DUSP15: variants seen among roughly 807,000 people sequenced by gnomAD.
DUSP15 encodes dual specificity phosphatase 15, also known as dual specificity protein phosphatase 15.
A neutral mutation model predicts 26.3 loss-of-function variants in DUSP15; 23 were observed. That is an observed-to-expected ratio of 0.87 (90% CI 0.63 to 1.24). The LOEUF (loss-of-function observed/expected upper bound fraction) is 1.24. DUSP15 is among the 50% of genes most tolerant of loss of function. DUSP15 has a pLI of 0.00. For missense variants in DUSP15, 364 were observed against 320.6 expected (o/e 1.14, Z -1.03); for synonymous variants, 143 against 135.5 (o/e 1.06, Z -0.39).
chr20:31,861,184 A>G lies in DUSP15; in HGVS notation c.*219T>C. The G allele has an allele frequency of 2.2e-6, 3 of 1,342,768 alleles. No homozygotes were observed. Among genetic ancestry groups the G allele is most frequent in the Middle Eastern group, 2.7e-4 (1 of 3,652 alleles). 83.2% of individuals were successfully genotyped at this position (1,342,768 alleles called of 1,614,324 possible). A position where few individuals can be genotyped will look rare whatever the true frequency, so the allele number is the denominator to read the frequency against. On this transcript the variant is annotated 3_prime_UTR_variant, in exon 7 of 7. Transcript: ENST00000339738. ...GGCCCCCTCCCCCAGCCCAAGGACT[A>G]AGGCACCAGGTGGCTGCAGCAGGCC...
At chr20:31,850,792 T>C in intron 6 of DUSP15, 1 of 1,094,284 alleles carries the variant, frequency 9.1e-7, no homozygotes, top group Non-Finnish European at 1.4e-6. Flanking sequence ...CTTACTGTGG[T>C]CAACCAAAGG....
chr20:31,865,027 CA>C, intron 3 of DUSP15, 25 bp from the exon 4 acceptor site: 1 of 1,613,994 alleles, frequency 6.2e-7, no homozygotes, highest in Non-Finnish European at 8.5e-7. Flanking sequence ...TACACTCAGG[CA>C]GGGGACCTTG....
chr20:31,861,530 T>A lies in DUSP15; in HGVS notation c.581A>T (p.Glu194Val). ...CGGCACCAGGCGCTGCACGGTTCCC[T>A]CGGAGGCTGCTGAGTGCGGCCCGGC... Reference protein sequence around the residue: ...SSAGPHSAASEGTVQRLVPRT... With the variant: ...SSAGPHSAASVGTVQRLVPRT... Residue 194 changes from glutamate (E) to valine (V), a missense_variant, in exon 7 of 7, where the codon GAG (glutamate) becomes GTG (valine). Coordinates refer to ENST00000339738, the MANE Select transcript of DUSP15 (RefSeq NM_080611.5). 1 of 1,516,314 alleles carries A rather than the reference T, an allele frequency of 6.6e-7. No homozygotes were observed. The highest frequency in any genetic ancestry group is 8.8e-7 in the Non-Finnish European group (1 of 1,140,266). 93.9% of individuals were successfully genotyped at this position (1,516,314 alleles called of 1,614,324 possible).
At chr20:31,860,799 A>C (rs993485489), downstream of DUSP15, among the ~76,000 whole-genome samples, 8 of 152,052 alleles carry the variant, frequency 5.3e-5, no homozygotes, top group African/African-American at 1.9e-4. Context: ...CAAAAGGTGG[A>C]AGGGGGTTCC....
chr20:31,861,086 G>A lies in DUSP15; in HGVS notation c.*317C>T. On this transcript the variant is annotated 3_prime_UTR_variant, in exon 7 of 7. Transcript: ENST00000339738. Reference sequence around the variant, plus strand: ...CACTCGGACAGGCAGCTTCTTCTGTGTCTCTTTAATACCCTCCAGGCCCGT... The same window carrying A: ...CACTCGGACAGGCAGCTTCTTCTGTATCTCTTTAATACCCTCCAGGCCCGT... The A allele has an allele frequency of 1.7e-6, 2 of 1,182,012 alleles. No individual in the cohort carries two copies. The highest frequency in any genetic ancestry group is 2.1e-6 in the Non-Finnish European group (2 of 956,218). 73.2% of individuals were successfully genotyped at this position (1,182,012 alleles called of 1,614,324 possible).
chr20:31,849,228 C>T (rs370423963), intron 8 of DUSP15, among the ~76,000 whole-genome samples: 3 of 152,196 alleles, frequency 2.0e-5, no homozygotes, highest in Admixed American at 6.5e-5. Flanking sequence ...CCTAAGCCAA[C>T]ACATGTACCG....
At position 31,848,414 on chromosome 20, in the gene DUSP15, C is replaced by T. The variant is rs763300282; in HGVS notation, c.878G>A (p.Cys293Tyr). Reference sequence around the variant, plus strand: ...TGTTGGGGGCTGCCTTCAGCGGGTACAAGAAGAGGAAGCGGCTCGCTTAGG... The same window carrying T: ...TGTTGGGGGCTGCCTTCAGCGGGTATAAGAAGAGGAAGCGGCTCGCTTAGG... The change falls in exon 10 of 10, where the codon TGT becomes TAT. Residue 293 changes from cysteine to tyrosine, a missense_variant. By Grantham distance (194) the Cys-to-Tyr change is radical (BLOSUM62 -2). Coordinates refer to the DUSP15 transcript ENST00000278979. 9.9e-6 allele frequency: 16 copies of T among 1,611,350 alleles called. No individual in the cohort carries two copies. In the Admixed American group the frequency reaches 1.5e-4, roughly 15 times the overall value.
chr20:31,864,208 A>G, intron 4 of DUSP15: 1 of 1,322,952 alleles, frequency 7.6e-7, no homozygotes. Flanking sequence ...GTCAGGACAA[A>G]TCTCACCATC....
intron 3 of DUSP15, among the ~76,000 whole-genome samples, chr20:31,865,382 A>G (rs1027487896): frequency 1.3e-5 from 2 of 152,234 alleles, no homozygotes; most frequent in Non-Finnish European, 2.9e-5. Flanking sequence ...TTATCTTGAA[A>G]AGAAACAAAA....
At chr20:31,854,898 C>A (rs974496898) in intron 6 of DUSP15, among the ~76,000 whole-genome samples, 2 of 152,196 alleles carry the variant, frequency 1.3e-5, no homozygotes, top group Non-Finnish European at 2.9e-5. Flanking sequence ...TCTGGTCATA[C>A]CATTTTCATC....
At chr20:31,851,336 TG>T (rs956290532) in intron 6 of DUSP15, among the ~76,000 whole-genome samples, 9 of 150,932 alleles carry the variant, frequency 6.0e-5, no homozygotes, top group Middle Eastern at 6.9e-3. Flanking sequence ...GGAAAGGTGA[TG>T]GGGTGGAGAT....
chr20:31,848,912 G>T, intron 8 of DUSP15: 4 of 1,608,836 alleles, frequency 2.5e-6, no homozygotes, highest in Non-Finnish European at 3.4e-6. Context: ...TCCTGCAGGT[G>T]GGCACACAAT....
chr20:31,848,554 C>T (rs754484409), exon 10 of DUSP15: 6 of 1,571,006 alleles, frequency 3.8e-6, no homozygotes, highest in Admixed American at 3.9e-5. Context: ...CAGGCCGAAG[C>T]TGCACCTGCA....
At chr20:31,869,188 G>A (rs921622122) in intron 2 of DUSP15, among the ~76,000 whole-genome samples, 1 of 152,228 alleles carries the variant, frequency 6.6e-6, no homozygotes, top group Non-Finnish European at 1.5e-5. Context: ...AGAGTGCTCA[G>A]CAGCTGGTGG....
intron 6 of DUSP15, among the ~76,000 whole-genome samples, chr20:31,861,930 C>T (rs902709531): frequency 6.6e-6 from 1 of 152,066 alleles, no homozygotes; most frequent in African/African-American, 2.4e-5. Flanking sequence ...AGCTTCCAGA[C>T]CTGCTAAAGT....
chr20:31,867,785 C>T (rs1267705577), intron 2 of DUSP15, among the ~76,000 whole-genome samples: 1 of 152,044 alleles, frequency 6.6e-6, no homozygotes, highest in African/African-American at 2.4e-5. Context: ...GCTGGGACTA[C>T]AGGCTCCCGC....
At chr20:31,850,413 TAGC>T (rs1281875037) in intron 7 of DUSP15, among the ~76,000 whole-genome samples, 2 of 152,150 alleles carry the variant, frequency 1.3e-5, no homozygotes, top group Admixed American at 6.5e-5. Flanking sequence ...ATGGGAATAA[TAGC>T]AGCATCTGGG....
chr20:31,849,759 G>GC lies in DUSP15; in HGVS notation c.606dup (p.Pro203AlafsTer23). The GC allele has an allele frequency of 6.5e-7, 1 of 1,540,030 alleles. No individual in the cohort carries two copies. Among genetic ancestry groups the GC allele is most frequent in the Non-Finnish European group, 8.7e-7 (1 of 1,149,890 alleles). On this transcript the variant is annotated frameshift_variant, in exon 8 of 10. Coordinates refer to the DUSP15 transcript ENST00000278979. LOFTEE classifies it high-confidence loss of function. ...GAACCTGCTGCAACGTGAGGTGGCG[G>GC]CCCCAGCAGGCGCTCGGCGGCCGCC...
intron 7 of DUSP15, chr20:31,850,502 G>A: frequency 4.3e-6 from 5 of 1,150,978 alleles, no homozygotes; most frequent in Non-Finnish European, 6.4e-6. Context: ...GCTATTATTG[G>A]GAGCCTGGGC....
Sources: gnomAD v4.1 joint callset for allele counts (sites outside exome capture counted in the v4.1 genomes callset) on GRCh38, gnomAD v4.1.1 for gene constraint, MANE v1.5 for transcripts, NCBI Gene and HGNC (gene_info 2026-07-23, HGNC 2026-07-21) for gene names.